Variants in IQGAP1 observed in about 807,000 individuals in gnomAD.
The protein encoded by IQGAP1 is IQ motif containing GTPase activating protein 1.
In IQGAP1, 66 loss-of-function variants were observed where a neutral mutation model predicts 215.6. The ratio of observed to expected loss-of-function variants is 0.31; its 90% CI spans 0.25 to 0.38. IQGAP1 has a LOEUF of 0.38. Ranked by LOEUF, IQGAP1 falls within the 10% of genes least tolerant of loss-of-function variation. IQGAP1 has a pLI of 1.00. For synonymous variants in IQGAP1, 772 were observed against 728.7 expected, an observed-to-expected ratio of 1.06 and a Z score of -0.96; for missense variants, 1,712 against 1,997.1, an observed-to-expected ratio of 0.86 and a Z score of 2.72.
chr15:90,443,385 C>T lies in IQGAP1; in HGVS notation c.829-9C>T. On this transcript the variant is annotated splice_polypyrimidine_tract_variant and intron_variant, in intron 8 of 37. Coordinates refer to ENST00000268182, the MANE Select transcript of IQGAP1 (RefSeq NM_003870.4). Reference sequence around the variant, plus strand: ...AGCTAACTTAATTACGCTTTTTACTCATCCTCAGACAGAAAACTCAGAGAG... The same window carrying T: ...AGCTAACTTAATTACGCTTTTTACTTATCCTCAGACAGAAAACTCAGAGAG... 1.3e-6 allele frequency: 2 copies of T among 1,598,394 alleles called. No individual in the cohort carries two copies. Among genetic ancestry groups the T allele is most frequent in the Non-Finnish European group, 1.7e-6 (2 of 1,166,704 alleles).
chr15:90,483,734 G>GA (rs1966089427), intron 29 of IQGAP1, 141 bp downstream of exon 29: 1 of 629,298 alleles, frequency 1.6e-6, no homozygotes, highest in African/African-American at 1.8e-5. Context: ...CAGGATTCCA[G>GA]AAGATGATCC....
At chr15:90,480,915 G>A (rs573170845) in intron 26 of IQGAP1, among the ~76,000 whole-genome samples, 34 of 152,222 alleles carry the variant, frequency 2.2e-4, no homozygotes, top group Middle Eastern at 6.8e-3. Context: ...TGATCCACCC[G>A]CCTCGGCCTC....
intron 2 of IQGAP1, among the ~76,000 whole-genome samples, chr15:90,415,914 T>C (rs536213892): frequency 6.6e-6 from 1 of 152,342 alleles, no homozygotes; most frequent in East Asian, 1.9e-4. Context: ...CCAGATACTT[T>C]TACACCTACT....
At chr15:90,495,800 G>A (rs1966264852) in intron 36 of IQGAP1, among the ~76,000 whole-genome samples, 1 of 150,028 alleles carries the variant, frequency 6.7e-6, no homozygotes, top group South Asian at 2.1e-4. Context: ...ACCACACCCA[G>A]CTAAGTTTTT....
chr15:90,482,171 C>T (rs772122567), intron 27 of IQGAP1, 26 bp from the exon 28 acceptor site: 1 of 1,614,146 alleles, frequency 6.2e-7, no homozygotes, highest in South Asian at 1.1e-5. Context: ...CTTGGCCCTT[C>T]TCACTAAGTT....
chr15:90,478,997 C>T (rs1296696351), intron 26 of IQGAP1, among the ~76,000 whole-genome samples: 2 of 152,120 alleles, frequency 1.3e-5, no homozygotes, highest in East Asian at 3.8e-4. Flanking sequence ...AATGCCAAAA[C>T]GTTTCTGGTT....
chr15:90,392,721 G>C (rs879608174), intron 2 of IQGAP1, among the ~76,000 whole-genome samples: 7 of 143,420 alleles, frequency 4.9e-5, no homozygotes, highest in Non-Finnish European at 7.6e-5. Context: ...TCTACTTGTA[G>C]TTTTCTTGAT....
chr15:90,499,269 C>T (rs758458167), intron 37 of IQGAP1, among the ~76,000 whole-genome samples: 6 of 152,310 alleles, frequency 3.9e-5, no homozygotes, highest in African/African-American at 9.6e-5. Context: ...CTGGATTTAT[C>T]GCCTCCATCT....
At chr15:90,497,382 AT>A in intron 37 of IQGAP1, 42 bp downstream of exon 37, 1 of 957,230 alleles carries the variant, frequency 1.0e-6, no homozygotes. Flanking sequence ...TCTGGATGAG[AT>A]TCTTGTCCAA....
At chr15:90,472,329 T>G (rs916015579) in intron 18 of IQGAP1, among the ~76,000 whole-genome samples, 1 of 152,228 alleles carries the variant, frequency 6.6e-6, no homozygotes, top group African/African-American at 2.4e-5. Context: ...CAAAATTTCC[T>G]GGCTGTCCAG....
At chr15:90,453,381 A>C in intron 13 of IQGAP1, 89 bp downstream of exon 13, 1 of 977,586 alleles carries the variant, frequency 1.0e-6, no homozygotes, top group Admixed American at 2.6e-5. Flanking sequence ...CTTTGCAGGC[A>C]TTATTACTTT....
In IQGAP1 at chr15:90,477,217, C is replaced by A. The variant is rs371671746; in HGVS notation, c.3091C>A (p.Gln1031Lys). Reference sequence around the variant, plus strand: ...CCTGCGGCTCTTTAAGACAGCACTCCAAGAGGAAATCAAGTATGAACAGAT... The same window carrying A: ...CCTGCGGCTCTTTAAGACAGCACTCAAAGAGGAAATCAAGTATGAACAGAT... Reference protein sequence around the residue: ...LLLRLFKTALQEEIKSKVDQI... With the variant: ...LLLRLFKTALKEEIKSKVDQI... The change falls in exon 25 of 38, where the codon CAA becomes AAA. Residue 1031 changes from glutamine to lysine, a missense_variant. Gln to Lys is a moderately conservative substitution (Grantham distance 53). Coordinates refer to ENST00000268182, the MANE Select transcript of IQGAP1 (RefSeq NM_003870.4). 88 of 1,613,876 alleles carry A rather than the reference C, an allele frequency of 5.5e-5. No homozygotes were observed. Among genetic ancestry groups the A allele is most frequent in the Non-Finnish European group, 7.2e-5 (85 of 1,179,974 alleles).
chr15:90,453,023 A>T, intron 12 of IQGAP1, 85 bp downstream of exon 12: 6 of 1,559,242 alleles, frequency 3.8e-6, no homozygotes, highest in Non-Finnish European at 5.2e-6. Flanking sequence ...GTTAGGTAGA[A>T]CTTTTTTGCA....
At chr15:90,427,830 A>G (rs1307426105) in intron 3 of IQGAP1, among the ~76,000 whole-genome samples, 1 of 152,160 alleles carries the variant, frequency 6.6e-6, no homozygotes, top group Non-Finnish European at 1.5e-5. Flanking sequence ...GATGACTATG[A>G]AAGATAGTGG....
At chr15:90,474,917 C>T in intron 23 of IQGAP1, 3 of 519,152 alleles carry the variant, frequency 5.8e-6, no homozygotes, top group Non-Finnish European at 1.0e-5. Context: ...TCAAGCAATT[C>T]TCCTCCCTCA....
At chr15:90,442,882 G>A (rs1176289370) in intron 8 of IQGAP1, among the ~76,000 whole-genome samples, 1 of 152,136 alleles carries the variant, frequency 6.6e-6, no homozygotes, top group African/African-American at 2.4e-5. Context: ...TGAAGCAAGA[G>A]AATCACGTGA....
intron 2 of IQGAP1, among the ~76,000 whole-genome samples, chr15:90,398,217 A>T (rs993467800): frequency 2.2e-4 from 34 of 152,106 alleles, no homozygotes; most frequent in African/African-American, 7.7e-4. Flanking sequence ...CTGCAAAAGG[A>T]AAAGCAGATT....
At chr15:90,477,462 C>A (rs1165236412) in intron 25 of IQGAP1, among the ~76,000 whole-genome samples, 4 of 151,546 alleles carry the variant, frequency 2.6e-5, no homozygotes, top group African/African-American at 9.7e-5. Flanking sequence ...AAAAAGTAAT[C>A]TGAACAGAAA....
chr15:90,408,573 G>A (rs528175961), intron 2 of IQGAP1, among the ~76,000 whole-genome samples: 2 of 152,272 alleles, frequency 1.3e-5, no homozygotes, highest in South Asian at 2.1e-4. Context: ...GAAAAGGTTC[G>A]TGGAGGAGAG....
Sources: allele counts gnomAD v4.1 joint callset (sites outside exome capture counted in the v4.1 genomes callset), GRCh38; gene constraint gnomAD v4.1.1; transcripts MANE v1.5; gene names NCBI Gene and HGNC (gene_info 2026-07-23, HGNC 2026-07-21).